Variants in TMEM135 observed in about 807,000 individuals in gnomAD.
TMEM135 encodes peroxisomal membrane protein 52.
In TMEM135, 30 loss-of-function variants were observed where a neutral mutation model predicts 60.3. That is an observed-to-expected ratio of 0.50 (90% CI 0.37 to 0.68). The LOEUF is 0.68. TMEM135 is among the 30% of genes least tolerant of loss of function. TMEM135 has a pLI of 0.00. For missense variants in TMEM135, 468 were observed against 548.8 expected (o/e 0.85, Z 1.47); for synonymous variants, 190 against 186.7 (o/e 1.02, Z -0.14).
intron 4 of TMEM135, among the ~76,000 whole-genome samples, chr11:87,130,458 T>G (rs1166097639): frequency 6.6e-6 from 1 of 152,162 alleles, no homozygotes; most frequent in South Asian, 2.1e-4. Flanking sequence ...AGAAATCATA[T>G]GACTAATTCC....
chr11:87,133,217 A>G (rs930651802), intron 4 of TMEM135, among the ~76,000 whole-genome samples: 4 of 152,222 alleles, frequency 2.6e-5, no homozygotes, highest in Non-Finnish European at 5.9e-5. Flanking sequence ...ACTGCAGTTG[A>G]TCATGGATAA....
intron 4 of TMEM135, among the ~76,000 whole-genome samples, chr11:87,140,069 T>G (rs973442377): frequency 4.0e-5 from 6 of 151,132 alleles, no homozygotes; most frequent in Admixed American, 1.3e-4. Context: ...TTTCTTTCTT[T>G]CTTTTTTTTT....
At chr11:87,087,503 A>G (rs1315251795) in intron 3 of TMEM135, among the ~76,000 whole-genome samples, 2 of 152,158 alleles carry the variant, frequency 1.3e-5, no homozygotes, top group Non-Finnish European at 2.9e-5. Context: ...CTTAAAAACA[A>G]CTAATGAGGT....
chr11:87,037,969 T>C lies in TMEM135; in HGVS notation c.-77T>C, dbSNP rs1343927901. 31 of 1,600,858 alleles carry C rather than the reference T, an allele frequency of 1.9e-5. No individual in the cohort carries two copies. The highest frequency in any genetic ancestry group is 2.6e-5 in the Non-Finnish European group (31 of 1,175,364). ...TCCGAGTGCTGGCCGGGCGAGAGGC[T>C]GGCGGCTGGGCTCTCGCGCCCCTCC... is the stretch of plus-strand genomic sequence containing the variant. On this transcript the variant is annotated 5_prime_UTR_variant, in exon 1 of 15. Transcript: ENST00000305494.
At chr11:87,126,362 A>T (rs1009883777) in intron 4 of TMEM135, among the ~76,000 whole-genome samples, 4 of 152,192 alleles carry the variant, frequency 2.6e-5, no homozygotes, top group Non-Finnish European at 4.4e-5. Flanking sequence ...AAAAACATTT[A>T]TATTAAAATT....
intron 6 of TMEM135, among the ~76,000 whole-genome samples, chr11:87,241,331 C>T (rs1000721223): frequency 3.3e-5 from 5 of 151,798 alleles, no homozygotes; most frequent in South Asian, 2.1e-4. Flanking sequence ...AATGTTAATT[C>T]GGTTCTATGT....
At chr11:87,109,957 A>G (rs776989327) in intron 4 of TMEM135, among the ~76,000 whole-genome samples, 1 of 152,196 alleles carries the variant, frequency 6.6e-6, no homozygotes, top group African/African-American at 2.4e-5. Flanking sequence ...CAAACAAGTT[A>G]TCTTCCTCTT....
intron 5 of TMEM135, among the ~76,000 whole-genome samples, chr11:87,212,681 G>A (rs1215421213): frequency 6.6e-6 from 1 of 151,960 alleles, no homozygotes; most frequent in Non-Finnish European, 1.5e-5. Context: ...AAATTAGCTG[G>A]ACATGGTGGC....
intron 3 of TMEM135, among the ~76,000 whole-genome samples, chr11:87,090,423 G>A (rs1484950160): frequency 4.6e-5 from 7 of 152,068 alleles, no homozygotes; most frequent in African/African-American, 1.2e-4. Context: ...ATTCAGGACT[G>A]TGTATGAATC....
At chr11:87,098,973 C>T (rs1289043320) in intron 4 of TMEM135, among the ~76,000 whole-genome samples, 1 of 152,152 alleles carries the variant, frequency 6.6e-6, no homozygotes, top group Non-Finnish European at 1.5e-5. Context: ...CAGGTGTGAG[C>T]CACCGTGCCC....
At chr11:87,135,354 A>G (rs1179611441) in intron 4 of TMEM135, among the ~76,000 whole-genome samples, 1 of 152,058 alleles carries the variant, frequency 6.6e-6, no homozygotes, top group Non-Finnish European at 1.5e-5. Context: ...TCATAGTTCT[A>G]GATTTTACGT....
rs748349008 is a variant in TMEM135 at position 87,322,278 on chromosome 11, C to A, written c.*945C>A. ...TTGGCAAGTTGGCAGTTTGTGTCCT[C>A]TCAGCTGTTTAACTTATGTAATGGA... On this transcript the variant is annotated 3_prime_UTR_variant, in exon 15 of 15. Coordinates refer to ENST00000305494, the MANE Select transcript of TMEM135 (RefSeq NM_022918.4). 1 of 454,194 alleles carries A rather than the reference C, an allele frequency of 2.2e-6. No homozygotes were observed. The highest frequency in any genetic ancestry group is 1.6e-5 in the South Asian group (1 of 64,472). The allele number at this position is 454,194 out of a possible 1,614,324, so 28.1% of individuals were successfully genotyped here.
At chr11:87,040,352 G>C (rs926078802) in intron 1 of TMEM135, among the ~76,000 whole-genome samples, 1 of 152,062 alleles carries the variant, frequency 6.6e-6, no homozygotes, top group Non-Finnish European at 1.5e-5. Context: ...GTGGTGGAAA[G>C]AAATTGGACT....
chr11:87,148,306 A>G (rs1172791196), intron 4 of TMEM135, among the ~76,000 whole-genome samples: 2 of 152,230 alleles, frequency 1.3e-5, no homozygotes, highest in Non-Finnish European at 2.9e-5. Flanking sequence ...CAGAGGTCAA[A>G]AGAAAGTTGT....
chr11:87,107,304 G>A (rs563401940), intron 4 of TMEM135, among the ~76,000 whole-genome samples: 29 of 152,088 alleles, frequency 1.9e-4, no homozygotes, highest in African/African-American at 5.5e-4. Context: ...TAGGGTACAT[G>A]TGCACAATGT....
chr11:87,124,890 T>A (rs1022353297), intron 4 of TMEM135, among the ~76,000 whole-genome samples: 1 of 152,152 alleles, frequency 6.6e-6, no homozygotes, highest in African/African-American at 2.4e-5. Context: ...TTTTATTTAG[T>A]CATATTTATC....
At chr11:87,314,631 C>A in intron 12 of TMEM135, 84 bp downstream of exon 12, 2 of 1,050,172 alleles carry the variant, frequency 1.9e-6, no homozygotes, top group South Asian at 1.3e-5. Flanking sequence ...ATGTATATCC[C>A]AATGGCAAAC....
chr11:87,268,557 C>T (rs1178735651), intron 6 of TMEM135, among the ~76,000 whole-genome samples: 1 of 152,094 alleles, frequency 6.6e-6, no homozygotes, highest in African/African-American at 2.4e-5. Context: ...ATGAGATAAC[C>T]TTCTTAATCT....
At chr11:87,224,017 T>A (rs1397871488) in intron 5 of TMEM135, among the ~76,000 whole-genome samples, 1 of 152,158 alleles carries the variant, frequency 6.6e-6, no homozygotes, top group Non-Finnish European at 1.5e-5. Context: ...AGGAAAGATT[T>A]TCTCAAATGA....
Sources: gnomAD v4.1 joint callset for allele counts (sites outside exome capture counted in the v4.1 genomes callset) on GRCh38, gnomAD v4.1.1 for gene constraint, MANE v1.5 for transcripts, NCBI Gene and HGNC (gene_info 2026-07-23, HGNC 2026-07-21) for gene names.